The following IDE variants were observed in gnomAD, a reference collection of about 807,000 sequenced individuals.
The protein encoded by IDE is insulin degrading enzyme.
Under a neutral mutation model 133.2 loss-of-function variants are expected in IDE, and 58 were observed. The ratio of observed to expected loss-of-function variants is 0.44; its 90% CI spans 0.35 to 0.54. IDE has a LOEUF of 0.54. IDE is among the 20% of genes least tolerant of loss of function. The pLI is 0.00. For missense variants in IDE, 981 were observed against 1,234.0 expected (o/e 0.79, Z 3.07); for synonymous variants, 396 against 421.3 (o/e 0.94, Z 0.73).
At chr10:92,557,874 C>CAAAAAAAA (rs3051565) in intron 1 of IDE, among the ~76,000 whole-genome samples, 3 of 108,310 alleles carry the variant, frequency 2.8e-5, no homozygotes, top group African/African-American at 3.6e-5. Context: ...GATTCCACCT[C>CAAAAAAAA]AAAAAAAAAA....
At chr10:92,503,199 A>C (rs1257805667) in intron 11 of IDE, among the ~76,000 whole-genome samples, 3 of 152,148 alleles carry the variant, frequency 2.0e-5, no homozygotes, top group African/African-American at 7.2e-5. Context: ...TTGTGGGGCT[A>C]AGCCGGACTG....
chr10:92,544,959 C>G (rs1842476145), intron 1 of IDE, among the ~76,000 whole-genome samples: 1 of 152,174 alleles, frequency 6.6e-6, no homozygotes, highest in African/African-American at 2.4e-5. Context: ...TAAAAGTATA[C>G]ATTAAACCAT....
intron 11 of IDE, among the ~76,000 whole-genome samples, chr10:92,501,668 A>T (rs1431246875): frequency 7.1e-6 from 1 of 140,542 alleles, no homozygotes; most frequent in East Asian, 2.1e-4. Flanking sequence ...GACTCCGTCT[A>T]AAAAAAAAAA....
Position 92,495,069 on chromosome 10 carries a change from C to CT in IDE, c.1431-4475dup, listed in dbSNP as rs1053553759. Among the ~76,000 whole-genome samples the CT allele has an allele frequency of 5.7e-3, 823 of 144,802 alleles. 8 individuals are homozygous for CT. Among genetic ancestry groups the CT allele is most frequent in the African/African-American group, 0.018 (721 of 39,716 alleles). The allele number at this position is 144,802 out of a possible 152,430, so 95.0% of individuals were successfully genotyped here. A position where few individuals can be genotyped will look rare whatever the true frequency, so the allele number is the denominator to read the frequency against. Reference sequence around the variant, plus strand: ...TCAGTTTCATTAATTTTTAATTTTTCTTTTTTTTTTTTGAGACGGAGTCTT... The same window carrying CT: ...TCAGTTTCATTAATTTTTAATTTTTCTTTTTTTTTTTTTGAGACGGAGTCTT... On this transcript the variant is annotated intron_variant, in intron 11 of 24. Transcript: ENST00000265986.
rs1252227249 is a variant in IDE at position 92,515,045 on chromosome 10, G to A, written c.662-3C>T. Reference sequence around the variant, plus strand: ...AGTCTCCAGAGTATATTTGTTACCTGGAAGGGAAGAAAAGGGATTTCTTAG... The same window carrying A: ...AGTCTCCAGAGTATATTTGTTACCTAGAAGGGAAGAAAAGGGATTTCTTAG... On this transcript the variant is annotated splice_polypyrimidine_tract_variant and splice_region_variant and intron_variant, in intron 4 of 24. Transcript: ENST00000265986. 7 of 1,579,264 alleles carry A rather than the reference G, an allele frequency of 4.4e-6. No individual in the cohort carries two copies. Among genetic ancestry groups the A allele is most frequent in the Admixed American group, 1.9e-5 (1 of 52,872 alleles).
intron 5 of IDE, 48 bp from the exon 6 acceptor site, chr10:92,510,210 T>A: frequency 3.1e-6 from 3 of 959,356 alleles, no homozygotes; most frequent in South Asian, 2.8e-5. Context: ...AATCATAACA[T>A]CCAACAGGGA....
intron 5 of IDE, among the ~76,000 whole-genome samples, chr10:92,512,559 T>TA (rs11373926): frequency 0.34 from 46,922 of 139,938 alleles, 7,847 homozygotes; most frequent in African/African-American, 0.41. Context: ...CAACATAGAT[T>TA]AAAAAAAAAA....
At chr10:92,481,142 A>G (rs1482109835) in intron 14 of IDE, among the ~76,000 whole-genome samples, 2 of 152,190 alleles carry the variant, frequency 1.3e-5, no homozygotes, top group African/African-American at 4.8e-5. Flanking sequence ...CATCAAAACA[A>G]AAGAGAGGAT....
intron 1 of IDE, among the ~76,000 whole-genome samples, chr10:92,556,901 C>T (rs1843036451): frequency 7.0e-6 from 1 of 143,250 alleles, no homozygotes. Context: ...TCCACCTGGG[C>T]TACAGAGTGA....
chr10:92,553,124 T>C (rs923312479), intron 1 of IDE, among the ~76,000 whole-genome samples: 1 of 151,554 alleles, frequency 6.6e-6, no homozygotes, highest in Admixed American at 6.6e-5. Flanking sequence ...TATAAATAAA[T>C]AAGAAAAAGA....
In IDE at chr10:92,537,556, A is replaced by G; in HGVS notation, c.99-6T>C. The stretch of plus-strand genomic sequence containing the variant: ...TGTAAGTCTTTTTTTGGAAACTGAA[A>G]AGAAAGAGATTTTTAATTGTTGATT... On this transcript the variant is annotated splice_region_variant and splice_polypyrimidine_tract_variant and intron_variant, in intron 1 of 24. Transcript: ENST00000265986. The G allele has an allele frequency of 6.3e-7, 1 of 1,577,408 alleles. No homozygotes were observed. Among genetic ancestry groups the G allele is most frequent in the Non-Finnish European group, 8.6e-7 (1 of 1,159,672 alleles).
chr10:92,557,081 T>G (rs945115508), intron 1 of IDE, among the ~76,000 whole-genome samples: 2 of 152,126 alleles, frequency 1.3e-5, no homozygotes, highest in Admixed American at 1.3e-4. Context: ...CCTCCTTTTT[T>G]GCAGAAATTG....
chr10:92,570,218 A>G (rs563402721), intron 1 of IDE, among the ~76,000 whole-genome samples: 2 of 152,366 alleles, frequency 1.3e-5, no homozygotes, highest in Admixed American at 1.3e-4. Flanking sequence ...CAGTATGGTG[A>G]TAAAATACTA....
chr10:92,481,061 A>G (rs946397716), intron 14 of IDE: 4 of 213,442 alleles, frequency 1.9e-5, no homozygotes, highest in African/African-American at 9.4e-5. Context: ...GGTATGATAC[A>G]TGATGACAGA....
Position 92,504,867 on chromosome 10 carries a change from C to G in IDE, c.1357G>C (p.Glu453Gln), listed in dbSNP as rs1848209770. Residue 453 changes from glutamate (E) to glutamine (Q), a missense_variant, in exon 11 of 25, where the codon GAA becomes CAA. Transcript: ENST00000265986. ...YYPLEEVLTA[E>Q]YLLEEFRPDL... ...GGTCTAAATTCTTCCAGTAAATATTCCGCTGTGAGCACCTCTTCTAGGGGA... is the reference window on the plus strand; with the variant it reads ...GGTCTAAATTCTTCCAGTAAATATTGCGCTGTGAGCACCTCTTCTAGGGGA... The G allele has an allele frequency of 6.4e-7, 1 of 1,570,408 alleles. No individual in the cohort carries two copies. The highest frequency in any genetic ancestry group is 8.7e-7 in the Non-Finnish European group (1 of 1,154,822).
intron 5 of IDE, among the ~76,000 whole-genome samples, chr10:92,510,690 CAT>C (rs1236561011): frequency 6.6e-6 from 1 of 151,244 alleles, no homozygotes; most frequent in African/African-American, 2.4e-5. Context: ...ATATATATCA[CAT>C]ACATCTCACA....
intron 22 of IDE, among the ~76,000 whole-genome samples, chr10:92,460,001 TTTATTATTA>T: frequency 6.6e-6 from 1 of 151,708 alleles, no homozygotes; most frequent in Non-Finnish European, 1.5e-5. Flanking sequence ...AGCTAATTTT[TTTATTATTA>T]TTATTTTTAG....
chr10:92,508,288 G>GT lies in IDE; in HGVS notation c.1061-84dup, dbSNP rs1848402978. 6 of 1,011,420 alleles carry GT rather than the reference G, an allele frequency of 5.9e-6. No homozygotes were observed. The South Asian group carries it at 8.4e-5, about 14-fold the overall frequency. 62.7% of individuals were successfully genotyped at this position (1,011,420 alleles called of 1,614,324 possible). On this transcript the variant is annotated intron_variant, in intron 7 of 24. Transcript: ENST00000265986. Reference sequence around the variant, plus strand: ...AAGAAAAATTTTAAAAATTCATACTGTATGTTCCTAAGATATCAGAATGAA... The same window carrying GT: ...AAGAAAAATTTTAAAAATTCATACTGTTATGTTCCTAAGATATCAGAATGAA...
intron 1 of IDE, among the ~76,000 whole-genome samples, chr10:92,572,705 T>C (rs980086082): frequency 6.6e-6 from 1 of 152,146 alleles, no homozygotes; most frequent in African/African-American, 2.4e-5. Flanking sequence ...GTCCTTCTAA[T>C]TACCCCAAGG....
Sources: allele counts gnomAD v4.1 joint callset (sites outside exome capture counted in the v4.1 genomes callset), GRCh38; gene constraint gnomAD v4.1.1; transcripts MANE v1.5; gene names NCBI Gene and HGNC (gene_info 2026-07-23, HGNC 2026-07-21).